CNTN5: variants seen among roughly 807,000 people sequenced by gnomAD.
CNTN5 encodes the protein contactin 5, also known as contactin-5.
A neutral mutation model predicts 129.1 loss-of-function variants in CNTN5; 77 were observed. The observed-to-expected ratio is 0.60, with a 90% CI of 0.50 to 0.72. CNTN5 has a LOEUF of 0.72. Among genes scored for constraint, CNTN5 ranks in the 30% least tolerant of loss-of-function variants. CNTN5 has a pLI of 0.00. For missense variants in CNTN5, 1,478 were observed against 1,328.8 expected (o/e 1.11, Z -1.75); for synonymous variants, 509 against 465.6 (o/e 1.09, Z -1.20).
intron 23 of CNTN5, 137 bp downstream of exon 23, chr11:100,341,342 A>G (rs1952157393): frequency 1.5e-6 from 1 of 658,140 alleles, no homozygotes; most frequent in African/African-American, 1.8e-5. Context: ...TATCTTAGAA[A>G]GATAGCCTTC....
chr11:99,174,405 A>G (rs1857678264), intron 1 of CNTN5, among the ~76,000 whole-genome samples: 1 of 152,202 alleles, frequency 6.6e-6, no homozygotes, highest in Non-Finnish European at 1.5e-5. Context: ...AAGATAATGC[A>G]TTTTTAACTT....
intron 3 of CNTN5, among the ~76,000 whole-genome samples, chr11:99,778,223 G>A (rs775697826): frequency 2.6e-5 from 4 of 151,676 alleles, no homozygotes; most frequent in Non-Finnish European, 4.4e-5. Flanking sequence ...CTTTAGGTAT[G>A]TCCTGCTTGG....
At chr11:100,323,636 TC>T (rs1555069816) in intron 21 of CNTN5, among the ~76,000 whole-genome samples, 156 of 126,078 alleles carry the variant, frequency 1.2e-3, no homozygotes, top group East Asian at 7.2e-3. Context: ...TATGTCCTCC[TC>T]CCCCCCCCTT....
At chr11:100,072,895 T>C (rs1489922395) in intron 12 of CNTN5, among the ~76,000 whole-genome samples, 1 of 148,638 alleles carries the variant, frequency 6.7e-6, no homozygotes, top group Non-Finnish European at 1.5e-5. Context: ...GATTCACCCT[T>C]CACCTAGTTA....
At chr11:99,451,788 T>C (rs1944311879) in intron 2 of CNTN5, among the ~76,000 whole-genome samples, 2 of 152,172 alleles carry the variant, frequency 1.3e-5, no homozygotes, top group Non-Finnish European at 2.9e-5. Context: ...ACTAAATTAG[T>C]TTTGGACACA....
chr11:99,397,929 C>T (rs773308073), intron 2 of CNTN5, among the ~76,000 whole-genome samples: 5 of 151,856 alleles, frequency 3.3e-5, no homozygotes, highest in Admixed American at 6.6e-5. Flanking sequence ...TGAGTGTATA[C>T]TACTGTGTGT....
chr11:99,676,983 T>G (rs968627874), intron 3 of CNTN5, among the ~76,000 whole-genome samples: 2 of 152,140 alleles, frequency 1.3e-5, no homozygotes, highest in Non-Finnish European at 2.9e-5. Context: ...TGACTACACT[T>G]TTAGAAACTC....
Position 99,361,739 on chromosome 11 carries a change from T to C in CNTN5, c.-71+36255T>C, listed in dbSNP as rs1458501165. Among the ~76,000 whole-genome samples, 3 of 152,154 alleles carry C rather than the reference T, an allele frequency of 2.0e-5. No individual in the cohort carries two copies. The South Asian group carries it at 6.2e-4, about 32-fold the overall frequency. On this transcript the variant is annotated intron_variant, in intron 2 of 24. Transcript: ENST00000524871. ...CATATAAGTGGAATCATACACACAC[T>C]AGCTTTTCTTTTGTGACTGCTTATT...
intron 9 of CNTN5, among the ~76,000 whole-genome samples, chr11:100,016,608 C>T (rs1369232778): frequency 2.0e-5 from 3 of 151,862 alleles, no homozygotes; most frequent in Non-Finnish European, 2.9e-5. Flanking sequence ...CATCCATTGT[C>T]CCAGGCTGTT....
chr11:99,564,636 T>C (rs1013461807), intron 3 of CNTN5, among the ~76,000 whole-genome samples: 2 of 152,196 alleles, frequency 1.3e-5, no homozygotes, highest in African/African-American at 2.4e-5. Flanking sequence ...GTAATCATAA[T>C]TACTGTAGCC....
At chr11:99,224,097 T>G (rs557803976) in intron 1 of CNTN5, among the ~76,000 whole-genome samples, 16 of 152,302 alleles carry the variant, frequency 1.1e-4, no homozygotes, top group African/African-American at 3.8e-4. Context: ...AACAATACTT[T>G]AAGATAATGC....
chr11:99,762,697 A>G (rs1280797134), intron 3 of CNTN5, among the ~76,000 whole-genome samples: 1 of 152,092 alleles, frequency 6.6e-6, no homozygotes, highest in Non-Finnish European at 1.5e-5. Context: ...AGGATTCTGT[A>G]TAAGTTAAAT....
At chr11:99,509,425 A>C (rs1355414909) in intron 2 of CNTN5, among the ~76,000 whole-genome samples, 2 of 152,212 alleles carry the variant, frequency 1.3e-5, no homozygotes, top group Admixed American at 1.3e-4. Flanking sequence ...CTCTGTGCAC[A>C]TTCAAAATAG....
At chr11:99,690,179 G>A (rs1263313847) in intron 3 of CNTN5, among the ~76,000 whole-genome samples, 2 of 152,020 alleles carry the variant, frequency 1.3e-5, no homozygotes, top group Non-Finnish European at 2.9e-5. Context: ...TACTTATTAA[G>A]TAGGGAATCC....
intron 3 of CNTN5, among the ~76,000 whole-genome samples, chr11:99,601,980 C>T (rs946334735): frequency 6.6e-6 from 1 of 152,008 alleles, no homozygotes; most frequent in Non-Finnish European, 1.5e-5. Context: ...ACTATATATA[C>T]CTATATACCT....
intron 3 of CNTN5, among the ~76,000 whole-genome samples, chr11:99,673,823 C>A (rs1953153820): frequency 6.6e-6 from 1 of 151,960 alleles, no homozygotes; most frequent in South Asian, 2.1e-4. Flanking sequence ...GTTGTATATG[C>A]ATCACATTTT....
At chr11:99,787,743 A>G (rs1945586809) in intron 3 of CNTN5, among the ~76,000 whole-genome samples, 1 of 151,996 alleles carries the variant, frequency 6.6e-6, no homozygotes, top group African/African-American at 2.4e-5. Flanking sequence ...CCAGAACCAG[A>G]AAAAAATATA....
At chr11:99,392,776 A>C (rs537697174) in intron 2 of CNTN5, among the ~76,000 whole-genome samples, 43 of 152,024 alleles carry the variant, frequency 2.8e-4, no homozygotes, top group Non-Finnish European at 5.6e-4. Flanking sequence ...CACATTTTTC[A>C]TTTTAAAGGG....
intron 23 of CNTN5, among the ~76,000 whole-genome samples, chr11:100,350,374 A>G (rs1952379747): frequency 6.6e-6 from 1 of 151,454 alleles, no homozygotes; most frequent in South Asian, 2.1e-4. Context: ...TATTGCTTAG[A>G]TGTAGTTATT....
Sources: gnomAD v4.1 joint callset for allele counts (sites outside exome capture counted in the v4.1 genomes callset) on GRCh38, gnomAD v4.1.1 for gene constraint, MANE v1.5 for transcripts, NCBI Gene and HGNC (gene_info 2026-07-23, HGNC 2026-07-21) for gene names.